STAC: variants seen among roughly 807,000 people sequenced by gnomAD.
STAC encodes the protein SH3 and cysteine-rich domain-containing protein.
Under a neutral mutation model 48.8 loss-of-function variants are expected in STAC, and 43 were observed. That is an observed-to-expected ratio of 0.88 (90% confidence interval 0.69 to 1.14). STAC has a LOEUF of 1.14. Among genes scored for constraint, STAC ranks in the 50% most tolerant of loss-of-function variants. STAC has a pLI of 0.00. For missense variants in STAC, 497 were observed against 504.0 expected (o/e 0.99, Z 0.13); for synonymous variants, 193 against 179.5 (o/e 1.07, Z -0.60).
At chr3:36,489,582 T>C (rs1697911784) in intron 5 of STAC, among the ~76,000 whole-genome samples, 1 of 152,228 alleles carries the variant, frequency 6.6e-6, no homozygotes, top group Non-Finnish European at 1.5e-5. Flanking sequence ...GTTTGATTTT[T>C]CTCTCACTTT....
chr3:36,385,933 A>G (rs1473366255), intron 1 of STAC, among the ~76,000 whole-genome samples: 2 of 152,088 alleles, frequency 1.3e-5, no homozygotes, highest in Non-Finnish European at 2.9e-5. Flanking sequence ...TTGGGCTGCT[A>G]TAAGCCATAC....
At chr3:36,528,594 T>C in intron 8 of STAC, 102 bp from the exon 9 acceptor site, 1 of 962,136 alleles carries the variant, frequency 1.0e-6, no homozygotes, top group Non-Finnish European at 1.5e-6. Context: ...TTCTATTTCT[T>C]TTAAGACTAT....
At chr3:36,521,627 C>T (rs1698809518) in intron 8 of STAC, among the ~76,000 whole-genome samples, 1 of 152,104 alleles carries the variant, frequency 6.6e-6, no homozygotes, top group Non-Finnish European at 1.5e-5. Context: ...CGTCTGAAGC[C>T]ACTGAAGTCA....
Position 36,381,684 on chromosome 3 carries a change from A to G in STAC, c.111+930A>G, listed in dbSNP as rs555740195. ...GGATAGGGACAGGCCAGATGGGGCA[A>G]GGAAGACTGCGATCCTGTCTCTCTT... On this transcript the variant is annotated intron_variant, in intron 1 of 10. Transcript: ENST00000273183. 2.6e-5 allele frequency among the ~76,000 whole-genome samples: 4 copies of G among 152,280 alleles called. No homozygotes were observed. The East Asian group carries it at 7.7e-4, about 29-fold the overall frequency.
chr3:36,425,684 C>A (rs1700546364), intron 1 of STAC, among the ~76,000 whole-genome samples: 1 of 152,190 alleles, frequency 6.6e-6, no homozygotes, highest in African/African-American at 2.4e-5. Flanking sequence ...CTCTATCCTG[C>A]AACTTTTCTT....
At chr3:36,507,884 T>A (rs1266020361) in intron 8 of STAC, among the ~76,000 whole-genome samples, 1 of 152,208 alleles carries the variant, frequency 6.6e-6, no homozygotes, top group Non-Finnish European at 1.5e-5. Context: ...CTGGATTCAT[T>A]GATGTTTTGA....
chr3:36,480,747 T>C (rs1480992015), intron 2 of STAC, among the ~76,000 whole-genome samples: 1 of 152,188 alleles, frequency 6.6e-6, no homozygotes, highest in African/African-American at 2.4e-5. Context: ...TTGAATACTA[T>C]TTATGCATCG....
chr3:36,507,398 C>G (rs1286291789), intron 8 of STAC, among the ~76,000 whole-genome samples: 1 of 152,038 alleles, frequency 6.6e-6, no homozygotes, highest in Non-Finnish European at 1.5e-5. Flanking sequence ...TGCATCTCTG[C>G]CAGGTTTTGG....
chr3:36,443,393 C>G lies in STAC; in HGVS notation c.141C>G (p.Phe47Leu). ...AGAAACTAAAACGATCACTTTCTTT[C>G]AAGACCAAGAGTTTACGGAGCAAAA... ...KLQKLKRSLS[F>L]KTKSLRSKSA... The change falls in exon 2 of 11, where the codon TTC (phenylalanine) becomes TTG (leucine). Residue 47 changes from phenylalanine to leucine, a missense_variant. By Grantham distance (22) the Phe-to-Leu change is conservative. Coordinates refer to ENST00000273183, the MANE Select transcript of STAC (RefSeq NM_003149.3). The surrounding 1 kb of genome is among the most constrained non-coding windows in gnomAD (Gnocchi z 4.2). The G allele has an allele frequency of 6.2e-7, 1 of 1,614,226 alleles. No individual in the cohort carries two copies. The highest frequency in any genetic ancestry group is 8.5e-7 in the Non-Finnish European group (1 of 1,180,046).
At position 36,468,774 on chromosome 3, in the gene STAC, T is replaced by TG. The variant is rs1559503305; in HGVS notation, c.389-14218_389-14217insG. On this transcript the variant is annotated intron_variant, in intron 2 of 10. Coordinates refer to ENST00000273183, the MANE Select transcript of STAC (RefSeq NM_003149.3). ...TATGTGTGTGTGTGTGTGTGTGTGT[T>TG]TGTGTGTGTTTATATTTAGAATTGT... 8.5e-3 allele frequency among the ~76,000 whole-genome samples: 1,211 copies of TG among 142,448 alleles called. 8 individuals carry two copies. Among genetic ancestry groups the TG allele is most frequent in the Middle Eastern group, 0.014 (4 of 276 alleles). 93.5% of individuals were successfully genotyped at this position (142,448 alleles called of 152,430 possible). A position where few individuals can be genotyped will look rare whatever the true frequency, so the allele number is the denominator to read the frequency against.
chr3:36,492,005 GAAAAAAAA>G (rs1178508885), intron 5 of STAC, among the ~76,000 whole-genome samples: 6 of 6,426 alleles, frequency 9.3e-4, no homozygotes, highest in African/African-American at 1.1e-3. Context: ...TCCATCTCAA[GAAAAAAAA>G]AAAAAAAAAA....
chr3:36,413,188 G>A (rs56199134), intron 1 of STAC, among the ~76,000 whole-genome samples: 4 of 152,176 alleles, frequency 2.6e-5, no homozygotes, highest in African/African-American at 7.2e-5. Flanking sequence ...ATGTCTATTA[G>A]GTCCACTTGG....
At chr3:36,425,669 A>T (rs1048208961) in intron 1 of STAC, among the ~76,000 whole-genome samples, 30 of 152,246 alleles carry the variant, frequency 2.0e-4, no homozygotes, top group African/African-American at 6.0e-4. Context: ...AAAGGTGTGT[A>T]TGAACTCTAT....
chr3:36,434,740 G>C (rs1483423684), intron 1 of STAC, among the ~76,000 whole-genome samples: 1 of 152,156 alleles, frequency 6.6e-6, no homozygotes, highest in Non-Finnish European at 1.5e-5. Context: ...TTGATGTGCC[G>C]CTGTGGAACA....
In STAC at chr3:36,388,934, C is replaced by T. The variant is rs570175953; in HGVS notation, c.111+8180C>T. On this transcript the variant is annotated intron_variant, in intron 1 of 10. Transcript: ENST00000273183. ...TTTGATAATTAATAATACAAGTACC[C>T]TCTTGGAAGTTTTATATTTATCTGC... is the stretch of plus-strand genomic sequence containing the variant. Among the ~76,000 whole-genome samples, 63 of 152,166 alleles carry T rather than the reference C, an allele frequency of 4.1e-4. 1 individual carries two copies. The highest frequency in any genetic ancestry group is 3.5e-3 in the Admixed American group (53 of 15,268).
intron 10 of STAC, among the ~76,000 whole-genome samples, chr3:36,537,452 C>G (rs2125501524): frequency 6.6e-6 from 1 of 152,232 alleles, no homozygotes; most frequent in Admixed American, 6.5e-5. Flanking sequence ...AACAGAAAAC[C>G]AAACACTGCA....
intron 2 of STAC, among the ~76,000 whole-genome samples, chr3:36,478,745 C>T (rs1447097916): frequency 6.6e-6 from 1 of 152,146 alleles, no homozygotes; most frequent in Non-Finnish European, 1.5e-5. Flanking sequence ...ACCTCAGCTT[C>T]CCAAAGTGCT....
intron 10 of STAC, among the ~76,000 whole-genome samples, chr3:36,541,037 C>T (rs1012115301): frequency 2.6e-5 from 4 of 152,126 alleles, no homozygotes; most frequent in Admixed American, 6.5e-5. Context: ...GGTCAGAGAA[C>T]CAAATTCTTC....
At chr3:36,531,880 A>G (rs1055840582) in intron 10 of STAC, among the ~76,000 whole-genome samples, 1 of 152,232 alleles carries the variant, frequency 6.6e-6, no homozygotes, top group African/African-American at 2.4e-5. Context: ...AATGATCATA[A>G]ACCATGAACA....
Sources: gnomAD v4.1 joint callset for allele counts (sites outside exome capture counted in the v4.1 genomes callset) on GRCh38, gnomAD v4.1.1 for gene constraint, Gnocchi (gnomAD v3.1) non-coding constraint, MANE v1.5 for transcripts, NCBI Gene and HGNC (gene_info 2026-07-23, HGNC 2026-07-21) for gene names.